SAFB2: variants seen among roughly 807,000 people sequenced by gnomAD.
SAFB2 encodes scaffold attachment factor B2.
SAFB2 carries 32 observed loss-of-function variants against 100.6 expected under a neutral mutation model. The ratio of observed to expected loss-of-function variants is 0.32; its 90% CI spans 0.24 to 0.43. The LOEUF (loss-of-function observed/expected upper bound fraction) is 0.43. SAFB2 is among the 20% of genes least tolerant of loss of function. SAFB2 has a pLI of 1.00. For missense variants in SAFB2, 1,185 were observed against 1,163.4 expected, an observed-to-expected ratio of 1.02 and a Z score of -0.27; for synonymous variants, 500 against 439.4, an observed-to-expected ratio of 1.14 and a Z score of -1.72.
chr19:5,622,127 A>T (rs1421038476), intron 1 of SAFB2, among the ~76,000 whole-genome samples: 1 of 152,170 alleles, frequency 6.6e-6, no homozygotes, highest in Non-Finnish European at 1.5e-5. Context: ...AAGAACAAGC[A>T]CCGCCCCCTT....
chr19:5,611,974 C>T, intron 6 of SAFB2: 4 of 427,446 alleles, frequency 9.4e-6, no homozygotes, highest in South Asian at 8.7e-5. Flanking sequence ...AATGCAATCA[C>T]CATTCAATGA....
chr19:5,608,797 C>T (rs991609639), intron 9 of SAFB2, among the ~76,000 whole-genome samples: 1 of 152,246 alleles, frequency 6.6e-6, no homozygotes, highest in Admixed American at 6.5e-5. Context: ...CGCCTGTAAT[C>T]CCAGCATTTT....
At position 5,598,992 on chromosome 19, in the gene SAFB2, C is replaced by G. The variant is rs572692935; in HGVS notation, c.1691-108G>C. Reference sequence around the variant, plus strand: ...GCTTTTGAACACACAAGGCGTGAGTCAAGTGACTGACACTAGCCTTGGGAG... The same window carrying G: ...GCTTTTGAACACACAAGGCGTGAGTGAAGTGACTGACACTAGCCTTGGGAG... On this transcript the variant is annotated intron_variant, in intron 12 of 20. Transcript: ENST00000252542. The G allele has an allele frequency of 2.8e-5, 26 of 921,356 alleles. No individual in the cohort carries two copies. In the East Asian group the frequency reaches 6.5e-4, roughly 23 times the overall value. The allele number at this position is 921,356 out of a possible 1,614,324, so 57.1% of individuals were successfully genotyped here.
chr19:5,594,226 A>G, intron 14 of SAFB2, 48 bp from the exon 15 acceptor site: 3 of 1,504,220 alleles, frequency 2.0e-6, no homozygotes, highest in Non-Finnish European at 2.6e-6. Context: ...TGAGCCTCCA[A>G]GGAGAAAGCC....
intron 9 of SAFB2, among the ~76,000 whole-genome samples, chr19:5,609,425 TC>T (rs1281319532): frequency 1.3e-5 from 2 of 151,572 alleles, no homozygotes; most frequent in Admixed American, 1.3e-4. Flanking sequence ...CACCTCAGCT[TC>T]CCGAGTAGCT....
intron 12 of SAFB2, 110 bp downstream of exon 12, chr19:5,600,020 G>A: frequency 8.7e-7 from 1 of 1,150,746 alleles, no homozygotes; most frequent in Non-Finnish European, 1.2e-6. Flanking sequence ...CATATGAACA[G>A]CGAAACAGCC....
chr19:5,595,486 A>C lies in SAFB2; in HGVS notation c.1794T>G (p.Ser598Arg). Residue 598 changes from serine to arginine, a missense_variant, in exon 14 of 21, where the codon AGT (serine) becomes AGG (arginine). Ser to Arg is a moderately radical substitution (Grantham distance 110). Around this residue, in one of 3 missense-constraint regions of SAFB2, gnomAD observed 740 missense variants for 687.1 expected, o/e 1.08. Transcript: ENST00000252542. ...CTTTGCTTTCTGACTTGCGATCCTG[A>C]CTCTTGGAGCTCTGTTTACCAAAAC... ...TSRSKERSSK[S>R]QDRKSESKEK... 1 of 1,613,360 alleles carries C rather than the reference A, an allele frequency of 6.2e-7. No homozygotes were observed. The highest frequency in any genetic ancestry group is 2.2e-5 in the East Asian group (1 of 44,872).
chr19:5,598,664 C>T (rs371479617), intron 13 of SAFB2, 129 bp downstream of exon 13: 3 of 750,274 alleles, frequency 4.0e-6, no homozygotes, highest in Admixed American at 2.1e-5. Context: ...GCAATCTACA[C>T]AATTATCGCG....
At chr19:5,599,373 C>A (rs1197333713) in intron 12 of SAFB2, among the ~76,000 whole-genome samples, 1 of 152,170 alleles carries the variant, frequency 6.6e-6, no homozygotes, top group African/African-American at 2.4e-5. Context: ...TCTCTCCTGA[C>A]GACAGAACCA....
chr19:5,591,001 T>G (rs1043083646), intron 17 of SAFB2, among the ~76,000 whole-genome samples: 5 of 152,130 alleles, frequency 3.3e-5, no homozygotes, highest in African/African-American at 1.2e-4. Flanking sequence ...ACCATTCTTG[T>G]GGTCTTCAGC....
At chr19:5,593,033 G>A in intron 15 of SAFB2, 146 bp from the exon 16 acceptor site, 1 of 726,320 alleles carries the variant, frequency 1.4e-6, no homozygotes, top group South Asian at 1.8e-5. Context: ...CTAAACATTC[G>A]ATCATCATTG....
At chr19:5,610,720 G>A (rs1568225457) in intron 7 of SAFB2, 32 bp from the exon 8 acceptor site, 2 of 1,403,700 alleles carry the variant, frequency 1.4e-6, no homozygotes, top group African/African-American at 2.9e-5. Context: ...ACTCATACAG[G>A]AAAAAAACGA....
chr19:5,592,657 G>T lies in SAFB2; in HGVS notation c.2348+90C>A, dbSNP rs969560458. The T allele has an allele frequency of 6.8e-6, 10 of 1,466,876 alleles. No homozygotes were observed. The East Asian group carries it at 2.1e-4, about 31-fold the overall frequency. 90.9% of individuals were successfully genotyped at this position (1,466,876 alleles called of 1,614,324 possible). On this transcript the variant is annotated intron_variant, in intron 16 of 20. Transcript: ENST00000252542. ...AGTAAACGAGGCTTCAGAGCACACA[G>T]GAACCCCTGCACTGGGCTGAGAACG...
At position 5,595,465 on chromosome 19, in the gene SAFB2, G is replaced by A; in HGVS notation, c.1815C>T (p.Ser605=). 1 of 1,613,830 alleles carries A rather than the reference G, an allele frequency of 6.2e-7. No homozygotes were observed. The highest frequency in any genetic ancestry group is 2.2e-5 in the East Asian group (1 of 44,882). ...SSKSQDRKSE[S]KEKRDILSFD... ...ACGACAAGATGTCTCTCTTTTCTTTGCTTTCTGACTTGCGATCCTGACTCT... is the reference window on the plus strand; with the variant it reads ...ACGACAAGATGTCTCTCTTTTCTTTACTTTCTGACTTGCGATCCTGACTCT... Residue 605 remains serine, a synonymous_variant, in exon 14 of 21, where the codon AGC becomes AGT. Coordinates refer to ENST00000252542, the MANE Select transcript of SAFB2 (RefSeq NM_014649.3).
intron 9 of SAFB2, 21 bp downstream of exon 9, chr19:5,609,974 A>G: frequency 6.3e-7 from 1 of 1,599,528 alleles, no homozygotes; most frequent in African/African-American, 1.3e-5. Flanking sequence ...AGTGGATGGT[A>G]TGAGGCAAGG....
At chr19:5,612,948 T>C (rs1035113160) in intron 5 of SAFB2, among the ~76,000 whole-genome samples, 1 of 152,230 alleles carries the variant, frequency 6.6e-6, no homozygotes. Flanking sequence ...GATTTGTAAC[T>C]GAAACCTGTC....
intron 8 of SAFB2, 99 bp from the exon 9 acceptor site, chr19:5,610,194 C>T: frequency 1.1e-6 from 1 of 877,800 alleles, no homozygotes; most frequent in Non-Finnish European, 1.9e-6. Context: ...CTAACGACGC[C>T]CAATCCCAAC....
intron 2 of SAFB2, among the ~76,000 whole-genome samples, chr19:5,617,435 A>G (rs1164305730): frequency 6.6e-6 from 1 of 152,238 alleles, no homozygotes; most frequent in African/African-American, 2.4e-5. Context: ...TTGAGGCTCT[A>G]TATGTATCAA....
rs568647516 is a variant in SAFB2 at position 5,594,055 on chromosome 19, G to A, written c.2043C>T (p.Arg681=). ...CGCGCTCCAGCCGCTCCCGCTCCATGCGCTCCCGCTCCAGCCGCTGGCGCT... is the reference window on the plus strand; with the variant it reads ...CGCGCTCCAGCCGCTCCCGCTCCATACGCTCCCGCTCCAGCCGCTGGCGCT... ...ECQRQRLERE[R]MERERLERER... Residue 681 remains arginine, a synonymous_variant, in exon 15 of 21, where the codon CGC becomes CGT. Transcript: ENST00000252542. The A allele has an allele frequency of 6.3e-7, 1 of 1,586,304 alleles. No individual in the cohort carries two copies. The highest frequency in any genetic ancestry group is 8.5e-7 in the Non-Finnish European group (1 of 1,171,978).
Sources: gnomAD v4.1 joint callset for allele counts (sites outside exome capture counted in the v4.1 genomes callset) on GRCh38, gnomAD v4.1.1 for gene constraint, gnomAD v4.1.1 regional missense constraint, MANE v1.5 for transcripts, NCBI Gene and HGNC (gene_info 2026-07-23, HGNC 2026-07-21) for gene names.